NBPF11: variants seen among roughly 807,000 people sequenced by gnomAD.
NBPF11 encodes NBPF family member NBPF11.
A neutral mutation model predicts 93.9 loss-of-function variants in NBPF11; 72 were observed. That is an observed-to-expected ratio of 0.77 (90% CI 0.63 to 0.93). The LOEUF is 0.93. Ranked by LOEUF, NBPF11 falls within the 40% of genes least tolerant of loss-of-function variation. NBPF11 has a pLI of 0.00. For synonymous variants in NBPF11, 224 were observed against 304.9 expected, an observed-to-expected ratio of 0.73 and a Z score of 2.76; for missense variants, 705 against 802.2, an observed-to-expected ratio of 0.88 and a Z score of 1.46.
Position 148,102,523 on chromosome 1 carries a change from T to C in NBPF11, c.*1373A>G, listed in dbSNP as rs1321158100. ...ATGGTGTTGGACAAACTAGACCTTC[T>C]CTGCCCGCAGATGGGCTGAGGTTGG... is the stretch of plus-strand genomic sequence containing the variant. On this transcript the variant is annotated 3_prime_UTR_variant, in exon 24 of 24. Coordinates refer to ENST00000682118, the MANE Select transcript of NBPF11 (RefSeq NM_001385469.3). 6.6e-6 allele frequency: 1 copy of C among 151,722 alleles called. No individual in the cohort carries two copies. Among genetic ancestry groups the C allele is most frequent in the Non-Finnish European group, 1.5e-5 (1 of 68,034 alleles). 9.4% of individuals were successfully genotyped at this position (151,722 alleles called of 1,614,324 possible). A position where few individuals can be genotyped will look rare whatever the true frequency, so the allele number is the denominator to read the frequency against.
In NBPF11 at chr1:148,124,919, G is replaced by A; in HGVS notation, c.258C>T (p.Leu86=). 1 of 1,591,532 alleles carries A rather than the reference G, an allele frequency of 6.3e-7. No homozygotes were observed. Among genetic ancestry groups the A allele is most frequent in the Non-Finnish European group, 8.6e-7 (1 of 1,162,540 alleles). Residue 86 remains leucine (L), a synonymous_variant, in exon 6 of 24, where the codon CTC becomes CTT. Coordinates refer to ENST00000682118, the MANE Select transcript of NBPF11 (RefSeq NM_001385469.3). ...CTCACCTGAGCTCCTCAGCTTGCTTGAGCTGCTCTGCAAGCTTCTCCTCCT... is the reference window on the plus strand; with the variant it reads ...CTCACCTGAGCTCCTCAGCTTGCTTAAGCTGCTCTGCAAGCTTCTCCTCCT... ...QFKEEKLAEQ[L]KQAEELRQYK...
intron 15 of NBPF11, among the ~76,000 whole-genome samples, chr1:148,112,277 A>T (rs1196038885): frequency 2.1e-5 from 3 of 140,276 alleles, no homozygotes; most frequent in African/African-American, 8.1e-5. Flanking sequence ...AACATTAGGT[A>T]TATCTCCTAA....
intron 2 of NBPF11, among the ~76,000 whole-genome samples, chr1:148,141,353 A>G (rs1207740783): frequency 1.3e-5 from 2 of 152,110 alleles, no homozygotes; most frequent in African/African-American, 4.8e-5. Context: ...AATGGACCAC[A>G]CTAATACAAC....
intron 1 of NBPF11, among the ~76,000 whole-genome samples, chr1:148,150,728 CTTTT>C (rs543007833): frequency 1.5e-5 from 2 of 135,160 alleles, no homozygotes; most frequent in Non-Finnish European, 1.6e-5. Flanking sequence ...CAAGAAAAGG[CTTTT>C]TTTTTTTTTT....
rs1374115393 is a variant in NBPF11 at position 148,138,414 on chromosome 1, T to A, written c.-276-605A>T. Among the ~76,000 whole-genome samples, 16 of 151,850 alleles carry A rather than the reference T, an allele frequency of 1.1e-4. 2 individuals carry two copies. The highest frequency in any genetic ancestry group is 3.9e-4 in the African/African-American group (16 of 41,150). On this transcript the variant is annotated intron_variant, in intron 2 of 23. Transcript: ENST00000682118. ...GGTGTCGGGCTGGGGGACAGTCAGG[T>A]CTTTCCCTTCCCATGAGGCTGTATT...
intron 1 of NBPF11, chr1:148,146,538 CGG>C: frequency 2.0e-5 from 32 of 1,603,546 alleles, no homozygotes; most frequent in Non-Finnish European, 2.7e-5. Context: ...CTGGTGGGGC[CGG>C]GGCCGCCCCC....
chr1:148,142,629 G>A (rs1672376431), intron 2 of NBPF11, among the ~76,000 whole-genome samples: 1 of 152,036 alleles, frequency 6.6e-6, no homozygotes, highest in African/African-American at 2.4e-5. Flanking sequence ...ATACAAACAG[G>A]CCATGCCCCT....
chr1:148,127,251 G>T, intron 4 of NBPF11: 1 of 212,732 alleles, frequency 4.7e-6, no homozygotes, highest in Non-Finnish European at 7.9e-6. Context: ...ACTCTGATAA[G>T]AGTGAGGTAG....
chr1:148,122,385 A>T, intron 8 of NBPF11, 119 bp from the exon 9 acceptor site: 1 of 1,530,180 alleles, frequency 6.5e-7, no homozygotes, highest in South Asian at 1.1e-5. Flanking sequence ...AAACAAATGG[A>T]GGTTCCCTTT....
At chr1:148,145,724 C>A (rs1672890377) in intron 1 of NBPF11, among the ~76,000 whole-genome samples, 1 of 151,062 alleles carries the variant, frequency 6.6e-6, no homozygotes, top group Admixed American at 6.6e-5. Flanking sequence ...AGTAAAAATA[C>A]AAAAAACAGC....
intron 5 of NBPF11, among the ~76,000 whole-genome samples, chr1:148,125,508 G>A (rs1428337460): frequency 6.6e-5 from 10 of 151,986 alleles, no homozygotes; most frequent in Non-Finnish European, 1.5e-5. Context: ...AATCATATCT[G>A]AAGCCTAAAG....
intron 4 of NBPF11, among the ~76,000 whole-genome samples, chr1:148,134,098 T>C (rs879606007): frequency 1.3e-4 from 20 of 151,958 alleles, no homozygotes; most frequent in African/African-American, 3.6e-4. Flanking sequence ...CTCCAGCCTG[T>C]AGAGGAGAGG....
chr1:148,132,506 C>G (rs1316218921), intron 4 of NBPF11, among the ~76,000 whole-genome samples: 34 of 149,844 alleles, frequency 2.3e-4, no homozygotes, highest in African/African-American at 8.4e-4. Flanking sequence ...ATGGTAGAAT[C>G]AGCTTGAAAA....
intron 2 of NBPF11, among the ~76,000 whole-genome samples, chr1:148,141,976 G>A (rs1672241247): frequency 7.0e-6 from 1 of 141,930 alleles, no homozygotes; most frequent in South Asian, 2.4e-4. Context: ...AGAAAAAGAA[G>A]AAAGGAAAGA....
chr1:148,123,177 A>G (rs1394901125), intron 7 of NBPF11, among the ~76,000 whole-genome samples: 1 of 151,956 alleles, frequency 6.6e-6, no homozygotes, highest in Non-Finnish European at 1.5e-5. Context: ...TTCTCTTAGG[A>G]GAGGACAAAC....
intron 1 of NBPF11, chr1:148,149,636 C>A (rs1175655700): frequency 6.0e-5 from 84 of 1,401,114 alleles, no homozygotes; most frequent in Middle Eastern, 5.0e-4. Flanking sequence ...CGGCCCCCAC[C>A]CAGGGGCTGC....
intron 1 of NBPF11, among the ~76,000 whole-genome samples, chr1:148,143,928 C>T (rs1309200083): frequency 6.8e-6 from 1 of 146,548 alleles, no homozygotes; most frequent in Non-Finnish European, 1.5e-5. Flanking sequence ...AGCATGGTGG[C>T]GCACACTTGC....
intron 4 of NBPF11, among the ~76,000 whole-genome samples, chr1:148,129,223 TATTA>T (rs1553273875): frequency 3.4e-5 from 5 of 147,068 alleles, no homozygotes; most frequent in Non-Finnish European, 6.0e-5. Context: ...CACGAATATA[TATTA>T]TATATACGTG....
At chr1:148,121,365 T>TTTTTTTTTTGG (rs1208452574) in intron 9 of NBPF11, among the ~76,000 whole-genome samples, 1 of 145,464 alleles carries the variant, frequency 6.9e-6, no homozygotes, top group Non-Finnish European at 1.5e-5. Flanking sequence ...TTTTTTTTTT[T>TTTTTTTTTTGG]GAGATGCAGT....
Sources: gnomAD v4.1 joint callset for allele counts (sites outside exome capture counted in the v4.1 genomes callset) on GRCh38, gnomAD v4.1.1 for gene constraint, MANE v1.5 for transcripts, NCBI Gene and HGNC (gene_info 2026-07-23, HGNC 2026-07-21) for gene names.